ADGRL2: variants seen among roughly 807,000 people sequenced by gnomAD.
The protein encoded by ADGRL2 is calcium-independent alpha-latrotoxin receptor 2.
A neutral mutation model predicts 157.4 loss-of-function variants in ADGRL2; 44 were observed. That is an observed-to-expected ratio of 0.28 (90% confidence interval 0.22 to 0.36). ADGRL2 has a LOEUF of 0.36. ADGRL2 is among the 10% of genes least tolerant of loss of function. The pLI, the probability that ADGRL2 is intolerant of heterozygous loss-of-function variation, is 1.00. For missense variants in ADGRL2, 1,510 were observed against 1,768.9 expected (o/e 0.85, Z 2.63); for synonymous variants, 585 against 624.7 (o/e 0.94, Z 0.95).
At chr1:81,980,250 G>A (rs373480076) in intron 18 of ADGRL2, among the ~76,000 whole-genome samples, 31 of 151,742 alleles carry the variant, frequency 2.0e-4, no homozygotes, top group African/African-American at 4.8e-4. Context: ...AATGATTTTC[G>A]TATTTGCATG....
intron 1 of ADGRL2, among the ~76,000 whole-genome samples, chr1:81,420,112 T>A (rs771253611): frequency 3.9e-5 from 6 of 152,302 alleles, no homozygotes; most frequent in Middle Eastern, 3.4e-3. Flanking sequence ...TAACCTGTAA[T>A]CTACTTTTCA....
intron 19 of ADGRL2, among the ~76,000 whole-genome samples, chr1:81,983,349 C>T (rs1662197777): frequency 6.6e-6 from 1 of 151,956 alleles, no homozygotes; most frequent in Non-Finnish European, 1.5e-5. Flanking sequence ...ATGGTTTTAA[C>T]TGCTTGAATG....
intron 1 of ADGRL2, among the ~76,000 whole-genome samples, chr1:81,418,208 A>T (rs773824015): frequency 2.6e-4 from 39 of 152,228 alleles, no homozygotes; most frequent in Non-Finnish European, 4.3e-4. Context: ...AAAGGAATAG[A>T]TGTTTATTTT....
intron 2 of ADGRL2, among the ~76,000 whole-genome samples, chr1:81,505,642 C>T (rs910138380): frequency 2.1e-4 from 31 of 150,374 alleles, no homozygotes; most frequent in Non-Finnish European, 3.5e-4. Context: ...GCAGCTCTGT[C>T]CCCTCCTGCT....
chr1:81,520,181 C>A (rs2079278748), intron 2 of ADGRL2, among the ~76,000 whole-genome samples: 1 of 152,154 alleles, frequency 6.6e-6, no homozygotes, highest in Admixed American at 6.5e-5. Flanking sequence ...AATTAGCCAA[C>A]AAGCTACCCT....
chr1:81,370,920 T>C (rs559261584), intron 1 of ADGRL2, among the ~76,000 whole-genome samples: 1 of 152,190 alleles, frequency 6.6e-6, no homozygotes, highest in Non-Finnish European at 1.5e-5. Context: ...TTTGAAAACT[T>C]GTGAAGGACA....
chr1:81,611,612 T>G (rs1424604411), intron 3 of ADGRL2, among the ~76,000 whole-genome samples: 1 of 152,220 alleles, frequency 6.6e-6, no homozygotes, highest in African/African-American at 2.4e-5. Context: ...CTTCAAGAAG[T>G]GAGCCTGGAT....
chr1:81,976,527 A>G (rs904705477), intron 17 of ADGRL2, among the ~76,000 whole-genome samples: 1 of 152,016 alleles, frequency 6.6e-6, no homozygotes, highest in Non-Finnish European at 1.5e-5. Context: ...TATTTTTCCA[A>G]TACTTTTAGT....
intron 1 of ADGRL2, among the ~76,000 whole-genome samples, chr1:81,744,157 T>C (rs1214802341): frequency 1.3e-5 from 2 of 152,154 alleles, no homozygotes; most frequent in Non-Finnish European, 2.9e-5. Context: ...TTAAGTATTC[T>C]ATGAGCAGAC....
chr1:81,542,450 TTCTTTTGCTGTTAG>T (rs2079908253), intron 2 of ADGRL2, among the ~76,000 whole-genome samples: 1 of 152,208 alleles, frequency 6.6e-6, no homozygotes, highest in South Asian at 2.1e-4. Context: ...CTTCTGAACA[TTCTTTTGCTGTTAG>T]GCGAGGCGTG....
chr1:81,361,726 G>A (rs1355820085), intron 1 of ADGRL2, among the ~76,000 whole-genome samples: 2 of 151,866 alleles, frequency 1.3e-5, no homozygotes, highest in Non-Finnish European at 2.9e-5. Context: ...GTACAAAAGG[G>A]ATAAACACTT....
intron 1 of ADGRL2, among the ~76,000 whole-genome samples, chr1:81,332,314 C>A (rs1231250254): frequency 6.6e-6 from 1 of 151,948 alleles, no homozygotes; most frequent in African/African-American, 2.4e-5. Flanking sequence ...ACAATTTCTG[C>A]CCTTAATTCT....
intron 3 of ADGRL2, among the ~76,000 whole-genome samples, chr1:81,927,738 C>T (rs2095140810): frequency 2.6e-5 from 4 of 151,908 alleles, no homozygotes. Flanking sequence ...CAAATGGGAA[C>T]ATTGTTACAG....
chr1:81,628,797 A>G (rs2081957427), intron 3 of ADGRL2, among the ~76,000 whole-genome samples: 1 of 152,220 alleles, frequency 6.6e-6, no homozygotes, highest in African/African-American at 2.4e-5. Flanking sequence ...TTCTCAAATC[A>G]GAGAATGAAT....
intron 3 of ADGRL2, among the ~76,000 whole-genome samples, chr1:81,671,627 C>T (rs2082876945): frequency 6.6e-6 from 1 of 152,068 alleles, no homozygotes; most frequent in African/African-American, 2.4e-5. Flanking sequence ...ATTCTCCTGC[C>T]TCAGCCTCCT....
At chr1:81,480,738 A>G (rs1378960618) in intron 2 of ADGRL2, among the ~76,000 whole-genome samples, 1 of 152,144 alleles carries the variant, frequency 6.6e-6, no homozygotes, top group Admixed American at 6.6e-5. Flanking sequence ...GAGTTATCTG[A>G]TGTCTAGTTT....
intron 2 of ADGRL2, among the ~76,000 whole-genome samples, chr1:81,790,338 T>A (rs1010647729): frequency 6.6e-6 from 1 of 152,100 alleles, no homozygotes; most frequent in Non-Finnish European, 1.5e-5. Context: ...CTTTGACAAT[T>A]TGTCTACATT....
intron 1 of ADGRL2, among the ~76,000 whole-genome samples, chr1:81,814,349 T>A (rs1360126354): frequency 6.6e-6 from 1 of 151,082 alleles, no homozygotes; most frequent in Non-Finnish European, 1.5e-5. Context: ...GTATATATTA[T>A]GAAGAATAGT....
At chr1:81,601,104 G>A (rs1009517375) in intron 3 of ADGRL2, among the ~76,000 whole-genome samples, 4 of 152,192 alleles carry the variant, frequency 2.6e-5, no homozygotes, top group African/African-American at 9.6e-5. Context: ...GCAGTGCAGA[G>A]CTGAGCAGGA....
Sources: gnomAD v4.1 joint callset for allele counts (sites outside exome capture counted in the v4.1 genomes callset) on GRCh38, gnomAD v4.1.1 for gene constraint, MANE v1.5 for transcripts, NCBI Gene and HGNC (gene_info 2026-07-23, HGNC 2026-07-21) for gene names.